The following YPEL2 variants were observed in gnomAD, a reference collection of about 807,000 sequenced individuals.
YPEL2 encodes yippee like 2.
Under a neutral mutation model 19.1 loss-of-function variants are expected in YPEL2, and 2 were observed. That is an observed-to-expected ratio of 0.10 (90% confidence interval 0.04 to 0.33). The LOEUF (loss-of-function observed/expected upper bound fraction) is 0.33, where lower values mean the gene tolerates loss of function less well. Ranked by LOEUF, YPEL2 falls within the 10% of genes least tolerant of loss-of-function variation. The pLI is 1.00. For synonymous variants in YPEL2, 52 were observed against 50.0 expected (o/e 1.04, Z -0.17); for missense variants, 66 against 140.7 (o/e 0.47, Z 2.68).
intron 1 of YPEL2, among the ~76,000 whole-genome samples, chr17:59,332,492 G>C (rs2047676270): frequency 6.6e-6 from 1 of 152,122 alleles, no homozygotes; most frequent in Admixed American, 6.5e-5. Flanking sequence ...CCTCTGCCGC[G>C]AGCGCCTCCC....
chr17:59,348,503 G>C (rs953492774), intron 1 of YPEL2, among the ~76,000 whole-genome samples: 1 of 152,220 alleles, frequency 6.6e-6, no homozygotes, highest in African/African-American at 2.4e-5. Flanking sequence ...TGGGGTGGGG[G>C]CTGGCCAGGT....
At chr17:59,341,101 GAT>G (rs1460699996) in intron 1 of YPEL2, among the ~76,000 whole-genome samples, 3 of 147,776 alleles carry the variant, frequency 2.0e-5, no homozygotes, top group African/African-American at 7.4e-5. Context: ...GAGGCGGGCA[GAT>G]AGCCTGAGGT....
intron 2 of YPEL2, among the ~76,000 whole-genome samples, chr17:59,370,158 G>A (rs948419257): frequency 2.6e-5 from 4 of 152,142 alleles, no homozygotes; most frequent in Admixed American, 6.5e-5. Context: ...CTGGGTTCAC[G>A]CCATTCTCCA....
chr17:59,362,784 C>A (rs917331388), intron 2 of YPEL2: 1 of 152,134 alleles, frequency 6.6e-6, no homozygotes, highest in East Asian at 1.9e-4. Flanking sequence ...GGTGCAGGAT[C>A]CCTCTGTTTC....
intron 2 of YPEL2, among the ~76,000 whole-genome samples, chr17:59,369,142 G>A (rs983349009): frequency 1.3e-5 from 2 of 152,154 alleles, no homozygotes; most frequent in Non-Finnish European, 2.9e-5. Flanking sequence ...TTGAAAGCGG[G>A]CAATTGCAAC....
At chr17:59,340,109 C>CTT (rs746748126) in intron 1 of YPEL2, among the ~76,000 whole-genome samples, 5 of 141,414 alleles carry the variant, frequency 3.5e-5, no homozygotes, top group Non-Finnish European at 4.7e-5. Context: ...TTTTGTGGAA[C>CTT]TTTTTTTTTT....
At chr17:59,345,020 T>A (rs1010026700) in intron 1 of YPEL2, 27 of 152,272 alleles carry the variant, frequency 1.8e-4, no homozygotes, top group African/African-American at 6.3e-4. Context: ...TAGATTCTCA[T>A]AAGGAGTGCA....
chr17:59,380,351 C>A (rs900491173), intron 2 of YPEL2, among the ~76,000 whole-genome samples: 1 of 142,804 alleles, frequency 7.0e-6, no homozygotes, highest in Non-Finnish European at 1.5e-5. Flanking sequence ...GTCTCGACAA[C>A]CTGTGCCTCC....
At chr17:59,332,964 C>G (rs949275816) in intron 1 of YPEL2, among the ~76,000 whole-genome samples, 1 of 152,198 alleles carries the variant, frequency 6.6e-6, no homozygotes, top group East Asian at 1.9e-4. Flanking sequence ...CTTGTTCTTC[C>G]TTGTTCCAAA....
rs1219013414 is a variant in YPEL2 at position 59,353,104 on chromosome 17, AT to A, written c.-195-108del. 4.3e-6 allele frequency: 1 copy of A among 234,864 alleles called. No homozygotes were observed. Among genetic ancestry groups the A allele is most frequent in the African/African-American group, 2.3e-5 (1 of 44,138 alleles). The allele number at this position is 234,864 out of a possible 1,614,324, so 14.5% of individuals were successfully genotyped here. A position where few individuals can be genotyped will look rare whatever the true frequency, so the allele number is the denominator to read the frequency against. The stretch of plus-strand genomic sequence containing the variant: ...GATACCAGGAACAGAGAAGTGGGTC[AT>A]TTGATCCTGTCAGTGTTGCCTTCTT... On this transcript the variant is annotated intron_variant, in intron 1 of 4. Transcript: ENST00000312655. This position sits in a 1 kb window ranked among gnomAD's most constrained non-coding sequence, Gnocchi z 4.8.
intron 2 of YPEL2, among the ~76,000 whole-genome samples, chr17:59,373,651 TC>T (rs775769959): frequency 6.6e-6 from 1 of 152,260 alleles, no homozygotes; most frequent in Non-Finnish European, 1.5e-5. Flanking sequence ...CAATATTTCT[TC>T]ATGTGGCCCT....
intron 4 of YPEL2, among the ~76,000 whole-genome samples, chr17:59,393,129 CGG>C (rs971208925): frequency 1.3e-5 from 2 of 152,084 alleles, no homozygotes; most frequent in Non-Finnish European, 2.9e-5. Flanking sequence ...CTCTGTGTCT[CGG>C]GGCTATTGAT....
At chr17:59,384,778 C>G (rs892470562) in intron 2 of YPEL2, among the ~76,000 whole-genome samples, 2 of 152,206 alleles carry the variant, frequency 1.3e-5, no homozygotes, top group African/African-American at 2.4e-5. Flanking sequence ...ACAATGTTGC[C>G]TGTCTCCCTG....
chr17:59,337,793 G>A (rs952558022), intron 1 of YPEL2, among the ~76,000 whole-genome samples: 1 of 152,012 alleles, frequency 6.6e-6, no homozygotes, highest in Non-Finnish European at 1.5e-5. Context: ...TTAACATTTT[G>A]GAGATATACA....
In YPEL2 at chr17:59,351,328, T is replaced by A. The variant is rs1013239717; in HGVS notation, c.-195-1887T>A. Among the ~76,000 whole-genome samples the A allele has an allele frequency of 2.6e-5, 4 of 151,894 alleles. 1 individual carries two copies. The East Asian group carries it at 7.7e-4, about 29-fold the overall frequency. ...AGGCGGAGGTTGCCGTGAGCCGAGA[T>A]CATGCCACTGTACTCCAGCCTGGAA... On this transcript the variant is annotated intron_variant, in intron 1 of 4. Transcript: ENST00000312655.
At chr17:59,383,282 T>C (rs2047959030) in intron 2 of YPEL2, among the ~76,000 whole-genome samples, 1 of 152,008 alleles carries the variant, frequency 6.6e-6, no homozygotes, top group South Asian at 2.1e-4. Context: ...TCTTATAGTC[T>C]ATTTAGTCTT....
intron 2 of YPEL2, among the ~76,000 whole-genome samples, chr17:59,360,500 T>G (rs2047835357): frequency 6.6e-6 from 1 of 152,226 alleles, no homozygotes; most frequent in African/African-American, 2.4e-5. Context: ...AAGTTGGCTT[T>G]TATAAAGAGA....
intron 2 of YPEL2, among the ~76,000 whole-genome samples, chr17:59,375,258 A>G (rs1002813009): frequency 1.3e-5 from 2 of 152,114 alleles, no homozygotes; most frequent in Non-Finnish European, 2.9e-5. Flanking sequence ...TCATGTATGT[A>G]TGTTTTCCTT....
rs1198192167 is a variant in YPEL2 at position 59,353,580 on chromosome 17, T to C, written c.117+54T>C. On this transcript the variant is annotated intron_variant, in intron 2 of 4. Transcript: ENST00000312655. The surrounding 1 kb of genome is among the most constrained non-coding windows in gnomAD (Gnocchi z 4.8). Reference sequence around the variant, plus strand: ...CTACCCCGGGGAGGGCGCTTAGTGCTCCTGAAGTTGCAGAGGTTTACAAGC... The same window carrying C: ...CTACCCCGGGGAGGGCGCTTAGTGCCCCTGAAGTTGCAGAGGTTTACAAGC... 3 of 1,339,694 alleles carry C rather than the reference T, an allele frequency of 2.2e-6. No homozygotes were observed. Among genetic ancestry groups the C allele is most frequent in the East Asian group, 2.3e-5 (1 of 43,622 alleles). The allele number at this position is 1,339,694 out of a possible 1,614,324, so 83.0% of individuals were successfully genotyped here.
Sources: gnomAD v4.1 joint callset for allele counts (sites outside exome capture counted in the v4.1 genomes callset) on GRCh38, gnomAD v4.1.1 for gene constraint, Gnocchi (gnomAD v3.1) non-coding constraint, MANE v1.5 for transcripts, NCBI Gene and HGNC (gene_info 2026-07-23, HGNC 2026-07-21) for gene names.